SENP7: variants seen among roughly 807,000 people sequenced by gnomAD.
The protein encoded by SENP7 is sentrin-specific protease 7.
In SENP7, 64 loss-of-function variants were observed where a neutral mutation model predicts 141.2. That is an observed-to-expected ratio of 0.45 (90% CI 0.37 to 0.56). SENP7 has a LOEUF of 0.56. Ranked by LOEUF, SENP7 falls within the 20% of genes least tolerant of loss-of-function variation. The pLI, the probability that SENP7 is intolerant of heterozygous loss-of-function variation, is 0.00. For synonymous variants in SENP7, 382 were observed against 426.4 expected (o/e 0.90, Z 1.28); for missense variants, 1,025 against 1,212.2 (o/e 0.85, Z 2.29).
rs117304732 is a variant in SENP7 at position 101,433,478 on chromosome 3, C to T, written c.285-15688G>A. ...AAATTCTCCAACTTAAAAACACAGA[C>T]TGGCTGAATGGATGAAAAACCCATT... On this transcript the variant is annotated intron_variant, in intron 4 of 23. Transcript: ENST00000394095. Among the ~76,000 whole-genome samples, 59 of 152,126 alleles carry T rather than the reference C, an allele frequency of 3.9e-4. 2 individuals are homozygous for T. In the East Asian group the frequency reaches 0.011, roughly 29 times the overall value.
chr3:101,487,514 T>A (rs1286630354), intron 3 of SENP7, among the ~76,000 whole-genome samples: 1 of 152,196 alleles, frequency 6.6e-6, no homozygotes, highest in Non-Finnish European at 1.5e-5. Context: ...TTTTGGGGAA[T>A]TAGCCAAAAA....
At chr3:101,490,610 T>G (rs1475793373) in intron 3 of SENP7, among the ~76,000 whole-genome samples, 1 of 152,156 alleles carries the variant, frequency 6.6e-6, no homozygotes, top group Admixed American at 6.5e-5. Context: ...CAAGGAAAAT[T>G]TCTGGAGCAT....
chr3:101,467,179 G>T (rs1399939479), intron 3 of SENP7, among the ~76,000 whole-genome samples: 2 of 152,226 alleles, frequency 1.3e-5, no homozygotes, highest in African/African-American at 4.8e-5. Flanking sequence ...AAAGTGGCCG[G>T]GCAGCTAGAA....
intron 3 of SENP7, among the ~76,000 whole-genome samples, chr3:101,473,305 G>A (rs959206325): frequency 1.3e-5 from 2 of 152,164 alleles, no homozygotes; most frequent in African/African-American, 4.8e-5. Context: ...TTGAGGAATG[G>A]CCACATTGTC....
At chr3:101,512,081 A>G (rs919277321) in intron 1 of SENP7, among the ~76,000 whole-genome samples, 1 of 152,182 alleles carries the variant, frequency 6.6e-6, no homozygotes, top group Admixed American at 6.5e-5. Context: ...CGGCCTCCCA[A>G]GGTGTTGGCA....
intron 5 of SENP7, among the ~76,000 whole-genome samples, chr3:101,401,760 A>G (rs1282913609): frequency 2.0e-5 from 3 of 152,156 alleles, no homozygotes; most frequent in African/African-American, 7.2e-5. Context: ...AAGTTGGTTT[A>G]CAAGCTTTAA....
chr3:101,462,615 C>T (rs1311342553), intron 3 of SENP7, among the ~76,000 whole-genome samples: 1 of 151,716 alleles, frequency 6.6e-6, no homozygotes, highest in Non-Finnish European at 1.5e-5. Flanking sequence ...CATCTGTAAT[C>T]CCAGCACTTT....
chr3:101,442,846 C>CA (rs149727694), intron 4 of SENP7, among the ~76,000 whole-genome samples: 21,629 of 144,366 alleles, frequency 0.15, 1,547 homozygotes, highest in Middle Eastern at 0.21. Context: ...ACCAGTCAGA[C>CA]AAAAAAAAAA....
rs72938086 is a variant in SENP7, at chr3:101,339,407, C to A, written c.2357+688G>T. 3.2e-3 allele frequency among the ~76,000 whole-genome samples: 486 copies of A among 152,282 alleles called. 2 individuals carry two copies. Among genetic ancestry groups the A allele is most frequent in the African/African-American group, 0.011 (458 of 41,560 alleles). On this transcript the variant is annotated intron_variant, in intron 16 of 23. Coordinates refer to ENST00000394095, the MANE Select transcript of SENP7 (RefSeq NM_020654.5). ...TTAAATGTTTTCATACCAATTCCTG[C>A]AGCTCTGGCTATACAAAAAGTTGGG...
intron 4 of SENP7, among the ~76,000 whole-genome samples, chr3:101,454,865 G>A (rs9821273): frequency 0.4 from 60,347 of 151,952 alleles, 12,500 homozygotes; most frequent in Admixed American, 0.54. Context: ...GGTTGTAAAT[G>A]AGTAGTTTCT....
intron 4 of SENP7, among the ~76,000 whole-genome samples, chr3:101,434,415 A>G (rs890658072): frequency 4.6e-5 from 7 of 151,980 alleles, no homozygotes; most frequent in Non-Finnish European, 7.4e-5. Context: ...ATTAGAAGAG[A>G]AAAAATAAAG....
chr3:101,463,374 T>TATATATATATATATATAC (rs2063627071), intron 3 of SENP7, among the ~76,000 whole-genome samples: 5 of 85,984 alleles, frequency 5.8e-5, no homozygotes, highest in African/African-American at 2.1e-4. Context: ...AATATATATA[T>TATATATATATATATATAC]ATATATATAT....
At chr3:101,436,518 A>G (rs2062393759) in intron 4 of SENP7, among the ~76,000 whole-genome samples, 1 of 152,176 alleles carries the variant, frequency 6.6e-6, no homozygotes, top group South Asian at 2.1e-4. Context: ...TTTGCAAACT[A>G]CCCATCTGAC....
chr3:101,337,103 G>A (rs1358071640), intron 17 of SENP7: 2 of 152,924 alleles, frequency 1.3e-5, no homozygotes, highest in Admixed American at 1.3e-4. Flanking sequence ...TAGGGTAGAG[G>A]GCAAAGAGAG....
chr3:101,348,468 A>G (rs1203287215), intron 12 of SENP7, among the ~76,000 whole-genome samples: 2 of 152,206 alleles, frequency 1.3e-5, no homozygotes, highest in Non-Finnish European at 2.9e-5. Flanking sequence ...AACTAAGCAC[A>G]GTATAACTCA....
At chr3:101,371,953 T>C in intron 7 of SENP7, 55 bp downstream of exon 7, 1 of 648,122 alleles carries the variant, frequency 1.5e-6, no homozygotes, top group Non-Finnish European at 2.4e-6. Context: ...CAAAAATTAT[T>C]ATTAATACAA....
chr3:101,449,010 C>T (rs201185422), intron 4 of SENP7, among the ~76,000 whole-genome samples: 3 of 152,004 alleles, frequency 2.0e-5, no homozygotes, highest in East Asian at 1.9e-4. Flanking sequence ...ACTAGAATAA[C>T]CAATGCAGAG....
chr3:101,496,855 G>C (rs750480107), intron 2 of SENP7, among the ~76,000 whole-genome samples: 2 of 152,196 alleles, frequency 1.3e-5, no homozygotes, highest in Non-Finnish European at 2.9e-5. Context: ...TGGGATTATA[G>C]GCATGAGCCA....
rs1477976652 is a variant in SENP7, at chr3:101,337,530, G to A, written c.2459C>T (p.Thr820Ile). Residue 820 changes from threonine to isoleucine, a missense_variant, in exon 17 of 24, where the codon ACA (threonine) becomes ATA (isoleucine). Physicochemically the swap from Thr to Ile is moderately conservative, Grantham distance 89. This residue lies in a region of SENP7 where 295 missense variants were observed against 459.1 expected (regional missense o/e 0.64). Transcript: ENST00000394095. ...TTACGAAAGATTTGGATTATCTTCT[G>A]TTAAATTATTTTCCTTTCTTGTCAA... ...KCLTRKENNL[T>I]EDNPNLSMAQ... 2 of 1,547,234 alleles carry A rather than the reference G, an allele frequency of 1.3e-6. No individual in the cohort carries two copies. Among genetic ancestry groups the A allele is most frequent in the Non-Finnish European group, 1.8e-6 (2 of 1,125,652 alleles).
Sources: allele counts gnomAD v4.1 joint callset (sites outside exome capture counted in the v4.1 genomes callset), GRCh38; gene constraint gnomAD v4.1.1; regional missense constraint gnomAD v4.1.1; transcripts MANE v1.5; gene names NCBI Gene and HGNC (gene_info 2026-07-23, HGNC 2026-07-21).